Variants in EPB41L2 observed in about 807,000 individuals in gnomAD.
EPB41L2 encodes erythrocyte membrane protein band 4.1 like 2.
EPB41L2 carries 43 observed loss-of-function variants against 113.0 expected under a neutral mutation model. The ratio of observed to expected loss-of-function variants is 0.38; its 90% CI spans 0.30 to 0.49. EPB41L2 has a LOEUF of 0.49. EPB41L2 is among the 20% of genes least tolerant of loss of function. EPB41L2 has a pLI of 0.95. For synonymous variants in EPB41L2, 442 were observed against 436.7 expected (o/e 1.01, Z -0.15); for missense variants, 1,147 against 1,223.4 (o/e 0.94, Z 0.93).
At chr6:131,029,320 T>C (rs1253039381) in intron 1 of EPB41L2, among the ~76,000 whole-genome samples, 1 of 146,246 alleles carries the variant, frequency 6.8e-6, no homozygotes, top group East Asian at 2.0e-4. Flanking sequence ...TGCTTAGGAC[T>C]GAAAAGCATA....
chr6:130,894,868 T>A (rs1219153696), intron 9 of EPB41L2, 99 bp downstream of exon 9: 1 of 1,265,396 alleles, frequency 7.9e-7, no homozygotes, highest in East Asian at 2.6e-5. Flanking sequence ...ATAAATAGTT[T>A]ATTTTCTTAA....
intron 1 of EPB41L2, among the ~76,000 whole-genome samples, chr6:130,996,995 C>G (rs897771733): frequency 6.6e-6 from 1 of 152,118 alleles, no homozygotes; most frequent in African/African-American, 2.4e-5. Flanking sequence ...TAAGTCCCAG[C>G]AAAGTTATAA....
chr6:130,852,207 T>A (rs1163058400), intron 19 of EPB41L2, among the ~76,000 whole-genome samples: 5 of 152,292 alleles, frequency 3.3e-5, no homozygotes, highest in Non-Finnish European at 7.4e-5. Context: ...AGTTTACAGA[T>A]GACAGCTCTG....
chr6:130,964,648 G>A (rs1294688911), intron 1 of EPB41L2, among the ~76,000 whole-genome samples: 2 of 151,820 alleles, frequency 1.3e-5, no homozygotes, highest in African/African-American at 2.4e-5. Flanking sequence ...AACTATATTT[G>A]TTTACTAAAA....
chr6:130,848,330 A>C (rs79325439), intron 19 of EPB41L2, among the ~76,000 whole-genome samples: 282 of 152,180 alleles, frequency 1.9e-3, no homozygotes, highest in African/African-American at 6.2e-3. Context: ...ACTGTCCAAG[A>C]GAAATATACT....
At chr6:130,944,886 C>G (rs1479359471) in intron 3 of EPB41L2, among the ~76,000 whole-genome samples, 2 of 152,104 alleles carry the variant, frequency 1.3e-5, no homozygotes, top group Admixed American at 1.3e-4. Flanking sequence ...GCTGTGAGCT[C>G]CTTGTGTTCT....
intron 1 of EPB41L2, among the ~76,000 whole-genome samples, chr6:131,050,994 C>T (rs543568582): frequency 6.6e-6 from 1 of 152,246 alleles, no homozygotes; most frequent in African/African-American, 2.4e-5. Flanking sequence ...ACCTCTGATA[C>T]ATAACAAAAA....
At chr6:130,870,166 T>G (rs1040463040) in intron 14 of EPB41L2, 40 bp from the exon 15 acceptor site, 3 of 1,565,850 alleles carry the variant, frequency 1.9e-6, no homozygotes, top group Non-Finnish European at 2.6e-6. Flanking sequence ...CAAAAATATA[T>G]GAATAAATAA....
intron 1 of EPB41L2, among the ~76,000 whole-genome samples, chr6:130,974,320 A>G (rs956677948): frequency 7.9e-5 from 12 of 152,170 alleles, no homozygotes; most frequent in African/African-American, 2.9e-4. Context: ...AACTTAGAGT[A>G]ACTGTGAGAA....
chr6:130,848,170 C>A, intron 19 of EPB41L2, among the ~76,000 whole-genome samples: 1 of 120,086 alleles, frequency 8.3e-6, no homozygotes, highest in African/African-American at 3.1e-5. Flanking sequence ...CTAACAGTCT[C>A]TGTCTCTCTC....
chr6:131,054,066 G>A (rs550125007), intron 1 of EPB41L2, among the ~76,000 whole-genome samples: 77 of 152,252 alleles, frequency 5.1e-4, no homozygotes, highest in Non-Finnish European at 7.9e-4. Flanking sequence ...GTGTGACTCC[G>A]GTCGGTCCTC....
chr6:131,027,777 C>G (rs1298937278), intron 1 of EPB41L2, among the ~76,000 whole-genome samples: 1 of 152,000 alleles, frequency 6.6e-6, no homozygotes, highest in Non-Finnish European at 1.5e-5. Context: ...ACATATACAC[C>G]AACTACATAC....
chr6:130,880,325 C>A, intron 12 of EPB41L2, 119 bp from the exon 13 acceptor site: 1 of 684,666 alleles, frequency 1.5e-6, no homozygotes, highest in Non-Finnish European at 2.5e-6. Context: ...AAGAGGAATA[C>A]AAATCTTATG....
In EPB41L2 at chr6:130,956,491, C is replaced by G. The variant is rs763216594; in HGVS notation, c.-6G>C. 10 of 1,600,338 alleles carry G rather than the reference C, an allele frequency of 6.2e-6. No homozygotes were observed. In the South Asian group the frequency reaches 1.0e-4, roughly 16 times the overall value. ...GAGCCTACTTCAGTAGTCATGGCCA[C>G]AGCTTATGCTGTAATCAAAACAAAA... On this transcript the variant is annotated 5_prime_UTR_variant, in exon 2 of 20. Coordinates refer to ENST00000337057, the MANE Select transcript of EPB41L2 (RefSeq NM_001431.4).
intron 1 of EPB41L2, among the ~76,000 whole-genome samples, chr6:131,021,238 T>A (rs1789409244): frequency 6.6e-6 from 1 of 152,192 alleles, no homozygotes; most frequent in East Asian, 1.9e-4. Context: ...ACTGCCGGAC[T>A]TCCTAGGTTA....
chr6:131,045,091 C>T (rs560062750), intron 1 of EPB41L2, among the ~76,000 whole-genome samples: 7 of 152,168 alleles, frequency 4.6e-5, no homozygotes, highest in Middle Eastern at 6.8e-3. Context: ...ACAAGTTGCC[C>T]CCCAGTAAGT....
At chr6:131,039,012 A>G (rs1793912584) in intron 1 of EPB41L2, among the ~76,000 whole-genome samples, 2 of 152,194 alleles carry the variant, frequency 1.3e-5, no homozygotes, top group Non-Finnish European at 2.9e-5. Context: ...GACTTCCCAG[A>G]GGCTTAGAAA....
intron 1 of EPB41L2, among the ~76,000 whole-genome samples, chr6:131,018,248 T>C (rs1788682656): frequency 6.6e-6 from 1 of 152,060 alleles, no homozygotes; most frequent in South Asian, 2.1e-4. Context: ...CTGCCGCAGC[T>C]CTAAACATTA....
intron 1 of EPB41L2, among the ~76,000 whole-genome samples, chr6:131,023,865 C>CT (rs1453736767): frequency 4.0e-5 from 6 of 150,998 alleles, no homozygotes; most frequent in Non-Finnish European, 7.4e-5. Context: ...ATAAATAAAC[C>CT]TTTTTTAAAA....
Sources: allele counts gnomAD v4.1 joint callset (sites outside exome capture counted in the v4.1 genomes callset), GRCh38; gene constraint gnomAD v4.1.1; transcripts MANE v1.5; gene names NCBI Gene and HGNC (gene_info 2026-07-23, HGNC 2026-07-21).